EXO1: variants seen among roughly 807,000 people sequenced by gnomAD.
The protein encoded by EXO1 is exonuclease 1.
Under a neutral mutation model 84.5 loss-of-function variants are expected in EXO1, and 69 were observed. The observed-to-expected ratio is 0.82, with a 90% CI of 0.67 to 1.00. EXO1 has a LOEUF of 1.00. EXO1 is among the 50% of genes least tolerant of loss of function. EXO1 has a pLI of 0.00. For synonymous variants in EXO1, 373 were observed against 366.1 expected, an observed-to-expected ratio of 1.02 and a Z score of -0.21; for missense variants, 1,045 against 1,000.7, an observed-to-expected ratio of 1.04 and a Z score of -0.60.
At position 241,858,542 on chromosome 1, in the gene EXO1, GA is replaced by G. The variant is rs1304364845; in HGVS notation, c.583del (p.Ile195LeufsTer6). On this transcript the variant is annotated frameshift_variant, in exon 8 of 16. Transcript: ENST00000366548. LOFTEE classifies it high-confidence loss of function. ...LKMDQFGNGL[E>X]IDQARLGMCR... ...GATGGACCAGTTTGGAAATGGACTT[GA>G]AATTGATCAAGCTCGGCTAGGAATG... is the stretch of plus-strand genomic sequence containing the variant. 2.5e-6 allele frequency: 4 copies of G among 1,614,026 alleles called. No individual in the cohort carries two copies. In the African/African-American group the frequency reaches 5.3e-5, roughly 22 times the overall value.
chr1:241,886,912 C>A (rs1023112698), intron 15 of EXO1, among the ~76,000 whole-genome samples: 1 of 151,894 alleles, frequency 6.6e-6, no homozygotes, highest in African/African-American at 2.4e-5. Context: ...TAGAGCTCAG[C>A]CGGATTCTTG....
At chr1:241,855,028 C>G (rs1192895669) in intron 6 of EXO1, among the ~76,000 whole-genome samples, 3 of 152,148 alleles carry the variant, frequency 2.0e-5, no homozygotes, top group African/African-American at 7.2e-5. Context: ...AGTGTTACAG[C>G]TCATAAAAGC....
In EXO1 at chr1:241,868,688, A is replaced by G. The variant is rs536418621; in HGVS notation, c.1267+1633A>G. 2.6e-5 allele frequency among the ~76,000 whole-genome samples: 4 copies of G among 152,280 alleles called. No individual in the cohort carries two copies. In the South Asian group the frequency reaches 8.3e-4, roughly 32 times the overall value. ...GTCTCAAATAAAAAGTAAAAAGTCTATTGAGAGTTAGTTAAATCCATACAT... is the reference window on the plus strand; with the variant it reads ...GTCTCAAATAAAAAGTAAAAAGTCTGTTGAGAGTTAGTTAAATCCATACAT... On this transcript the variant is annotated intron_variant, in intron 11 of 15. Coordinates refer to ENST00000366548, the MANE Select transcript of EXO1 (RefSeq NM_130398.4).
In EXO1 at chr1:241,850,586, G is replaced by C. The variant is rs766312563; in HGVS notation, c.161G>C (p.Arg54Thr). The C allele has an allele frequency of 1.2e-6, 2 of 1,612,720 alleles. No individual in the cohort carries two copies. Among genetic ancestry groups the C allele is most frequent in the South Asian group, 2.2e-5 (2 of 91,066 alleles). The change falls in exon 4 of 16, where the codon AGG becomes ACG. Residue 54 changes from arginine (R) to threonine (T), a missense_variant and splice_region_variant. Arg to Thr is a moderately conservative substitution (Grantham distance 71). Coordinates refer to ENST00000366548, the MANE Select transcript of EXO1 (RefSeq NM_130398.4). ...CTAGCCAAAGGTGAACCTACTGATA[G>C]GTAAGTCTGGACCTTATGTTAATTC... ...EKLAKGEPTD[R>T]YVGFCMKFVN...
In EXO1 at chr1:241,879,140, AAG is replaced by A. The variant is rs1558143668; in HGVS notation, c.1909_1910del (p.Ser637ArgfsTer8). ...PSTALQQFRR[K>X]SDSPTSLPEN... ...CACAGCATTGCAGCAGTTCCGAAGA[AAG>A]AGCGATTCCCCCACCTCTTTGCCTG... On this transcript the variant is annotated frameshift_variant, in exon 13 of 16. Coordinates refer to ENST00000366548, the MANE Select transcript of EXO1 (RefSeq NM_130398.4). LOFTEE classifies it high-confidence loss of function. 2 of 1,609,764 alleles carry A rather than the reference AAG, an allele frequency of 1.2e-6. No homozygotes were observed. Among genetic ancestry groups the A allele is most frequent in the Non-Finnish European group, 1.7e-6 (2 of 1,176,146 alleles).
chr1:241,865,177 T>TTA (rs10570422), intron 10 of EXO1, among the ~76,000 whole-genome samples: 1,929 of 131,248 alleles, frequency 0.015, 49 homozygotes, highest in African/African-American at 0.048. Context: ...GGCCACAGCA[T>TTA]TATATATATA....
chr1:241,860,498 T>G lies in EXO1; in HGVS notation c.757-19T>G. 6.3e-7 allele frequency: 1 copy of G among 1,579,462 alleles called. No individual in the cohort carries two copies. Among genetic ancestry groups the G allele is most frequent in the Non-Finnish European group, 8.7e-7 (1 of 1,148,574 alleles). On this transcript the variant is annotated intron_variant, in intron 8 of 15. Transcript: ENST00000366548. ...CTGTTCTTTAGTTGCAGATAAAATA[T>G]TTTTGCATGCATTGTTAGGTTATCA...
At position 241,882,895 on chromosome 1, in the gene EXO1, T is replaced by A. The variant is rs563294227; in HGVS notation, c.2211+878T>A. Among the ~76,000 whole-genome samples the A allele has an allele frequency of 3.3e-5, 5 of 152,248 alleles. No homozygotes were observed. In the East Asian group the frequency reaches 7.7e-4, roughly 23 times the overall value. On this transcript the variant is annotated intron_variant, in intron 14 of 15. Transcript: ENST00000366548. ...TTGGTCTGCCATTTCTAGAAAAAAATTTGAAAGAGTTCAAATAATTTAAAC... is the reference window on the plus strand; with the variant it reads ...TTGGTCTGCCATTTCTAGAAAAAAAATTGAAAGAGTTCAAATAATTTAAAC...
intron 12 of EXO1, among the ~76,000 whole-genome samples, chr1:241,874,906 A>G (rs1317015183): frequency 6.6e-6 from 1 of 152,254 alleles, no homozygotes; most frequent in Admixed American, 6.5e-5. Context: ...TGATCTAGGC[A>G]TGATAGAGTA....
At chr1:241,866,647 A>G (rs1422252836) in intron 10 of EXO1, among the ~76,000 whole-genome samples, 183 bp from the exon 11 acceptor site, 1 of 150,486 alleles carries the variant, frequency 6.6e-6, no homozygotes, top group Non-Finnish European at 1.5e-5. Context: ...AATATAAGAC[A>G]CATTTAATGG....
intron 7 of EXO1, among the ~76,000 whole-genome samples, chr1:241,858,002 A>G (rs1661161497): frequency 6.6e-6 from 1 of 152,214 alleles, no homozygotes; most frequent in African/African-American, 2.4e-5. Flanking sequence ...GTTAATGCCT[A>G]TATTTATGAC....
At chr1:241,880,688 A>G (rs1045155253) in intron 13 of EXO1, among the ~76,000 whole-genome samples, 12 of 152,218 alleles carry the variant, frequency 7.9e-5, no homozygotes, top group African/African-American at 2.7e-4. Context: ...AAATCATATA[A>G]TCTTTCTTTG....
At chr1:241,850,723 T>G (rs1321969221) in intron 4 of EXO1, 137 bp downstream of exon 4, 1 of 734,568 alleles carries the variant, frequency 1.4e-6, no homozygotes, top group Non-Finnish European at 2.4e-6. Context: ...TTTTAGAATA[T>G]TCCCAAATCA....
Position 241,861,390 on chromosome 1 carries a change from A to C in EXO1, c.945-16A>C, listed in dbSNP as rs1661372921. Reference sequence around the variant, plus strand: ...GTTGTTAATAAATACATTTTTCCTTAATCTTGCTAATCTAGATATGTTGAT... The same window carrying C: ...GTTGTTAATAAATACATTTTTCCTTCATCTTGCTAATCTAGATATGTTGAT... On this transcript the variant is annotated splice_polypyrimidine_tract_variant and intron_variant, in intron 9 of 15. Coordinates refer to ENST00000366548, the MANE Select transcript of EXO1 (RefSeq NM_130398.4). The C allele has an allele frequency of 8.1e-7, 1 of 1,239,058 alleles. No individual in the cohort carries two copies. Among genetic ancestry groups the C allele is most frequent in the Non-Finnish European group, 1.2e-6 (1 of 837,632 alleles). The allele number at this position is 1,239,058 out of a possible 1,614,324, so 76.8% of individuals were successfully genotyped here. A position where few individuals can be genotyped will look rare whatever the true frequency, so the allele number is the denominator to read the frequency against.
At chr1:241,852,270 A>C (rs775460571) in intron 4 of EXO1, 22 bp from the exon 5 acceptor site, 13 of 1,593,816 alleles carry the variant, frequency 8.2e-6, no homozygotes, top group Non-Finnish European at 1.0e-5. Context: ...GAAGCACTGA[A>C]TGTTTTTCTT....
chr1:241,852,522 G>A, intron 5 of EXO1, 111 bp downstream of exon 5: 1 of 902,930 alleles, frequency 1.1e-6, no homozygotes, highest in Non-Finnish European at 1.8e-6. Context: ...GCTTGCACCT[G>A]TTGTCCTAGG....
At chr1:241,862,578 A>G (rs762406969) in intron 10 of EXO1, among the ~76,000 whole-genome samples, 6 of 152,154 alleles carry the variant, frequency 3.9e-5, no homozygotes, top group Non-Finnish European at 8.8e-5. Flanking sequence ...CCTACTTAGC[A>G]CTTATTACTG....
At chr1:241,860,735 T>C in intron 9 of EXO1, 31 bp downstream of exon 9, 2 of 1,570,856 alleles carry the variant, frequency 1.3e-6, no homozygotes, top group Non-Finnish European at 8.8e-7. Flanking sequence ...TGGTAGAATT[T>C]GTGCATTTTT....
intron 12 of EXO1, among the ~76,000 whole-genome samples, chr1:241,873,688 A>G (rs2148488184): frequency 6.6e-6 from 1 of 152,322 alleles, no homozygotes; most frequent in East Asian, 1.9e-4. Context: ...AGTTGGAAAA[A>G]TAAATACATA....
Sources: gnomAD v4.1 joint callset for allele counts (sites outside exome capture counted in the v4.1 genomes callset) on GRCh38, gnomAD v4.1.1 for gene constraint, MANE v1.5 for transcripts, NCBI Gene and HGNC (gene_info 2026-07-23, HGNC 2026-07-21) for gene names.